GPC3: variants seen among roughly 807,000 people sequenced by gnomAD.
GPC3 encodes the protein glypican 3, also known as glypican-3.
A neutral mutation model predicts 34.4 loss-of-function variants in GPC3; 3 were observed. The ratio of observed to expected loss-of-function variants is 0.09; its 90% CI spans 0.04 to 0.23. The LOEUF (loss-of-function observed/expected upper bound fraction) is 0.23, where lower values mean the gene tolerates loss of function less well. Among genes scored for constraint, GPC3 ranks in the 10% least tolerant of loss-of-function variants. GPC3 has a pLI of 1.00. For synonymous variants in GPC3, 177 were observed against 174.0 expected, an observed-to-expected ratio of 1.02 and a Z score of -0.13; for missense variants, 351 against 445.6, an observed-to-expected ratio of 0.79 and a Z score of 1.91.
intron 6 of GPC3, among the ~76,000 whole-genome samples, chrX:133,653,123 C>T (rs902987748): frequency 1.1e-4 from 12 of 112,051 alleles, no homozygotes; most frequent in African/African-American, 3.6e-4. Context: ...ACTCAAATTA[C>T]GAAATGGCTC....
intron 2 of GPC3, among the ~76,000 whole-genome samples, chrX:133,859,464 A>G (rs1333545151): frequency 2.7e-5 from 3 of 111,460 alleles, no homozygotes; most frequent in East Asian, 5.7e-4. Context: ...AGAAAAAACA[A>G]CTGTTGCCTA....
chrX:133,905,662 G>T (rs1414282927), intron 2 of GPC3, among the ~76,000 whole-genome samples: 1 of 111,526 alleles, frequency 9.0e-6, no homozygotes, highest in African/African-American at 3.3e-5. Context: ...TGGCTTTGTA[G>T]AAATGTCAAT....
At chrX:133,748,545 T>A (rs928289364) in intron 3 of GPC3, among the ~76,000 whole-genome samples, 1 of 111,013 alleles carries the variant, frequency 9.0e-6, no homozygotes, top group Non-Finnish European at 1.9e-5. Flanking sequence ...AAATCTTCTC[T>A]TTCCCCCTCC....
At chrX:133,637,310 A>G (rs1885197167) in intron 6 of GPC3, among the ~76,000 whole-genome samples, 1 of 111,120 alleles carries the variant, frequency 9.0e-6, no homozygotes, top group Admixed American at 9.6e-5. Flanking sequence ...TCTACTAAAA[A>G]TACAAAAATT....
intron 2 of GPC3, among the ~76,000 whole-genome samples, chrX:133,887,279 C>T (rs1478180563): frequency 8.9e-6 from 1 of 112,640 alleles, no homozygotes; most frequent in Non-Finnish European, 1.9e-5. Context: ...TACTAATTTA[C>T]ATTCCCACCA....
Position 133,894,217 on chromosome X carries a change from C to T in GPC3, c.337+58833G>A, listed in dbSNP as rs761713141. ...CTGACCCTTGGAAATGCAAATACTT[C>T]TAGAATTTGCTCAGGGATCTCTCCT... is the stretch of plus-strand genomic sequence containing the variant. On this transcript the variant is annotated intron_variant, in intron 2 of 7. Coordinates refer to ENST00000370818, the MANE Select transcript of GPC3 (RefSeq NM_004484.4). Among the ~76,000 whole-genome samples the T allele has an allele frequency of 4.5e-5, 5 of 111,799 alleles. No homozygotes were observed. In the South Asian group the frequency reaches 1.5e-3, roughly 34 times the overall value.
At chrX:133,969,964 G>A (rs772788994) in intron 1 of GPC3, among the ~76,000 whole-genome samples, 1 of 112,119 alleles carries the variant, frequency 8.9e-6, no homozygotes. Context: ...TTAATTAGAC[G>A]ATTCATACTT....
chrX:133,790,693 G>T (rs1569433229), intron 2 of GPC3, among the ~76,000 whole-genome samples: 1 of 110,979 alleles, frequency 9.0e-6, no homozygotes, highest in Non-Finnish European at 1.9e-5. Context: ...TCCACAATTA[G>T]GCTGTCAGAT....
intron 2 of GPC3, among the ~76,000 whole-genome samples, chrX:133,796,920 A>G (rs2124516125): frequency 9.0e-6 from 1 of 111,353 alleles, no homozygotes; most frequent in South Asian, 3.9e-4. Context: ...AGCTCCTAGG[A>G]TACACAGTGC....
intron 2 of GPC3, among the ~76,000 whole-genome samples, chrX:133,772,574 A>T (rs749523927): frequency 8.9e-6 from 1 of 111,839 alleles, no homozygotes; most frequent in East Asian, 2.8e-4. Context: ...ATTTTGTCCT[A>T]AGAATGCCAT....
At chrX:133,970,487 C>G (rs2124645468) in intron 1 of GPC3, among the ~76,000 whole-genome samples, 1 of 107,314 alleles carries the variant, frequency 9.3e-6, no homozygotes, top group Non-Finnish European at 1.9e-5. Context: ...CACACAATCT[C>G]ATACCTAAAA....
chrX:133,843,525 A>G (rs2075834441), intron 2 of GPC3, among the ~76,000 whole-genome samples: 1 of 111,502 alleles, frequency 9.0e-6, no homozygotes, highest in African/African-American at 3.3e-5. Context: ...TCATGAGCCA[A>G]TCAAACCTCT....
chrX:133,629,085 A>G (rs1407274531), intron 6 of GPC3, among the ~76,000 whole-genome samples: 1 of 112,558 alleles, frequency 8.9e-6, no homozygotes, highest in African/African-American at 3.2e-5. Flanking sequence ...AAATTGTATT[A>G]CCTATGAGAA....
chrX:133,911,156 G>C (rs747453630), intron 2 of GPC3, among the ~76,000 whole-genome samples: 2 of 112,360 alleles, frequency 1.8e-5, no homozygotes, highest in East Asian at 5.6e-4. Context: ...ATTAGATTTT[G>C]CTCTGATCAA....
At chrX:133,639,413 C>T (rs955887667) in intron 6 of GPC3, among the ~76,000 whole-genome samples, 1 of 111,686 alleles carries the variant, frequency 9.0e-6, no homozygotes, top group African/African-American at 3.3e-5. Flanking sequence ...ATCTTTGTGT[C>T]TCTCCCAGAG....
At chrX:133,686,978 T>C (rs1569413982) in intron 5 of GPC3, among the ~76,000 whole-genome samples, 1 of 108,994 alleles carries the variant, frequency 9.2e-6, no homozygotes, top group Non-Finnish European at 1.9e-5. Flanking sequence ...CAGGCTGGAG[T>C]GCAGTGGTGC....
intron 7 of GPC3, among the ~76,000 whole-genome samples, chrX:133,548,526 C>T (rs2069405813): frequency 8.9e-6 from 1 of 112,175 alleles, no homozygotes; most frequent in African/African-American, 3.2e-5. Context: ...GTCAAAATGG[C>T]TCAAGGCCCT....
At chrX:133,833,180 T>C (rs2075783693) in intron 2 of GPC3, among the ~76,000 whole-genome samples, 1 of 111,553 alleles carries the variant, frequency 9.0e-6, no homozygotes, top group African/African-American at 3.3e-5. Flanking sequence ...CTTACGATCA[T>C]CTCTTTTTAT....
chrX:133,851,641 TCTCTAC>T (rs2075874159), intron 2 of GPC3, among the ~76,000 whole-genome samples: 1 of 112,147 alleles, frequency 8.9e-6, no homozygotes, highest in South Asian at 3.7e-4. Flanking sequence ...AGTTCTACTT[TCTCTAC>T]CTGTTGTTTT....
Sources: allele counts gnomAD v4.1 joint callset (sites outside exome capture counted in the v4.1 genomes callset), GRCh38; gene constraint gnomAD v4.1.1; transcripts MANE v1.5; gene names NCBI Gene and HGNC (gene_info 2026-07-23, HGNC 2026-07-21).